PKNOX2: variants seen among roughly 807,000 people sequenced by gnomAD.
PKNOX2 encodes homeobox protein PKNOX2.
In PKNOX2, 14 loss-of-function variants were observed where a neutral mutation model predicts 53.1. The observed-to-expected ratio is 0.26, with a 90% confidence interval of 0.17 to 0.41. The LOEUF is 0.41. Among genes scored for constraint, PKNOX2 ranks in the 10% least tolerant of loss-of-function variants. The pLI is 1.00. For missense variants in PKNOX2, 496 were observed against 602.8 expected, an observed-to-expected ratio of 0.82 and a Z score of 1.85; for synonymous variants, 257 against 242.8, an observed-to-expected ratio of 1.06 and a Z score of -0.54.
intron 2 of PKNOX2, among the ~76,000 whole-genome samples, chr11:125,279,739 G>A (rs1055887218): frequency 6.6e-6 from 1 of 152,234 alleles, no homozygotes; most frequent in African/African-American, 2.4e-5. Flanking sequence ...TAGGATGCCA[G>A]TGAACGTGGC....
intron 1 of PKNOX2, among the ~76,000 whole-genome samples, chr11:125,219,373 G>C (rs1349599323): frequency 6.6e-6 from 1 of 151,968 alleles, no homozygotes; most frequent in East Asian, 1.9e-4. Flanking sequence ...GGGAGGCAGA[G>C]GTTGCAGTGA....
chr11:125,215,324 A>C (rs1166421868), intron 1 of PKNOX2, among the ~76,000 whole-genome samples: 1 of 152,086 alleles, frequency 6.6e-6, no homozygotes, highest in African/African-American at 2.4e-5. Context: ...GAGAATCAGC[A>C]CTGTGTGTGT....
At chr11:125,344,541 T>C (rs936785514) in intron 3 of PKNOX2, among the ~76,000 whole-genome samples, 1 of 152,178 alleles carries the variant, frequency 6.6e-6, no homozygotes, top group African/African-American at 2.4e-5. Context: ...TAGCCAAAGC[T>C]CATGCTGGCT....
chr11:125,359,521 G>A (rs1235114300), intron 4 of PKNOX2, among the ~76,000 whole-genome samples: 1 of 152,160 alleles, frequency 6.6e-6, no homozygotes, highest in Non-Finnish European at 1.5e-5. Context: ...CCCAGGTCTG[G>A]AGCGCCCTGG....
intron 1 of PKNOX2, among the ~76,000 whole-genome samples, chr11:125,216,213 A>G (rs1940475631): frequency 6.6e-6 from 1 of 152,154 alleles, no homozygotes; most frequent in Admixed American, 6.5e-5. Context: ...GCTGTTGTCT[A>G]CCAGGGCTCA....
At chr11:125,398,203 G>A (rs148054344) in intron 7 of PKNOX2, 141 bp downstream of exon 7, 9 of 770,618 alleles carry the variant, frequency 1.2e-5, no homozygotes, top group Middle Eastern at 3.7e-4. Flanking sequence ...CTCCTCTGAT[G>A]CACTCTTCTT....
At chr11:125,202,324 C>T (rs1339121381) in intron 1 of PKNOX2, among the ~76,000 whole-genome samples, 3 of 152,152 alleles carry the variant, frequency 2.0e-5, no homozygotes, top group African/African-American at 7.2e-5. Flanking sequence ...CACCAAGGGG[C>T]CTTATCCCTG....
At chr11:125,429,509 G>T (rs534896080) in intron 11 of PKNOX2, among the ~76,000 whole-genome samples, 70 of 152,288 alleles carry the variant, frequency 4.6e-4, no homozygotes, top group Non-Finnish European at 7.9e-4. Context: ...GAGGGAGGAG[G>T]AGTAGCCATT....
chr11:125,285,027 T>A (rs1946808254), intron 2 of PKNOX2, among the ~76,000 whole-genome samples: 1 of 152,040 alleles, frequency 6.6e-6, no homozygotes, highest in African/African-American at 2.4e-5. Flanking sequence ...GGGAGCAAGT[T>A]GCCACATAGC....
At chr11:125,341,915 C>T (rs1393242012) in intron 3 of PKNOX2, among the ~76,000 whole-genome samples, 3 of 152,172 alleles carry the variant, frequency 2.0e-5, no homozygotes, top group Admixed American at 2.0e-4. Flanking sequence ...CCAGTGTACC[C>T]GCCCTCCTTC....
intron 1 of PKNOX2, among the ~76,000 whole-genome samples, chr11:125,232,179 G>A (rs1206957472): frequency 1.3e-5 from 2 of 152,184 alleles, no homozygotes; most frequent in Non-Finnish European, 2.9e-5. Context: ...AATATTTGGA[G>A]GACTACCATG....
chr11:125,368,019 A>G (rs1291372260), intron 5 of PKNOX2, 34 bp downstream of exon 5: 2 of 1,595,896 alleles, frequency 1.3e-6, no homozygotes, highest in South Asian at 1.1e-5. Context: ...TACAGCCCTC[A>G]ACCAGCTTCA....
intron 2 of PKNOX2, among the ~76,000 whole-genome samples, chr11:125,249,588 G>A (rs1306317493): frequency 6.6e-6 from 1 of 152,176 alleles, no homozygotes; most frequent in African/African-American, 2.4e-5. Context: ...ATGATTTAAA[G>A]TATATGGGAG....
chr11:125,429,102 A>G lies in PKNOX2; in HGVS notation c.1013+14A>G. The stretch of plus-strand genomic sequence containing the variant: ...AGTAAACAACTGGTGAGTTTGCATC[A>G]CCTGCATGCAGGCTCCCAGATCCAG... On this transcript the variant is annotated intron_variant, in intron 11 of 12. Coordinates refer to ENST00000298282, the MANE Select transcript of PKNOX2 (RefSeq NM_001382323.2). 1 of 1,600,272 alleles carries G rather than the reference A, an allele frequency of 6.2e-7. No individual in the cohort carries two copies. Among genetic ancestry groups the G allele is most frequent in the Non-Finnish European group, 8.6e-7 (1 of 1,167,446 alleles).
chr11:125,173,729 G>T (rs1221760511), intron 1 of PKNOX2, among the ~76,000 whole-genome samples: 3 of 152,226 alleles, frequency 2.0e-5, no homozygotes, highest in Non-Finnish European at 2.9e-5. Flanking sequence ...GGGCAGCGAG[G>T]CTGCAGTGTG....
Position 125,275,544 on chromosome 11 carries a change from G to A in PKNOX2, c.-130+40429G>A, listed in dbSNP as rs571019391. 3.6e-4 allele frequency among the ~76,000 whole-genome samples: 55 copies of A among 152,296 alleles called. No homozygotes were observed. The South Asian group carries it at 0.011, about 30-fold the overall frequency. On this transcript the variant is annotated intron_variant, in intron 2 of 12. Coordinates refer to ENST00000298282, the MANE Select transcript of PKNOX2 (RefSeq NM_001382323.2). ...GCTGCTGAGGGAGTAAAGGGGGCTG[G>A]TGGAGGCTTTGTTGGCTTAGTCTTG... is the stretch of plus-strand genomic sequence containing the variant.
chr11:125,258,631 T>C (rs1362306058), intron 2 of PKNOX2: 1 of 168,124 alleles, frequency 5.9e-6, no homozygotes, highest in Non-Finnish European at 1.3e-5. Context: ...ATGAATATAT[T>C]TTCATGTTCA....
intron 12 of PKNOX2, among the ~76,000 whole-genome samples, chr11:125,430,783 C>T (rs1263256715): frequency 1.3e-5 from 2 of 150,606 alleles, no homozygotes; most frequent in Non-Finnish European, 2.9e-5. Flanking sequence ...ATTTAGGGGG[C>T]TGGACCAGCC....
intron 4 of PKNOX2, among the ~76,000 whole-genome samples, chr11:125,356,307 G>C (rs1033582709): frequency 6.6e-6 from 1 of 152,210 alleles, no homozygotes; most frequent in East Asian, 1.9e-4. Flanking sequence ...CAAACTGATG[G>C]GTAGGTAGCT....
Sources: gnomAD v4.1 joint callset for allele counts (sites outside exome capture counted in the v4.1 genomes callset) on GRCh38, gnomAD v4.1.1 for gene constraint, MANE v1.5 for transcripts, NCBI Gene and HGNC (gene_info 2026-07-23, HGNC 2026-07-21) for gene names.